The following CHST8 variants were observed in gnomAD, a reference collection of about 807,000 sequenced individuals.
CHST8 encodes GALNAC-4-ST1.
Under a neutral mutation model 15.0 loss-of-function variants are expected in CHST8, and 10 were observed. The observed-to-expected ratio is 0.67, with a 90% CI of 0.41 to 1.13. The LOEUF (loss-of-function observed/expected upper bound fraction) is 1.13, where lower values mean the gene tolerates loss of function less well. Among genes scored for constraint, CHST8 ranks in the 50% most tolerant of loss-of-function variants. The probability of loss-of-function intolerance (pLI) is 0.00; values close to 1 mark genes in which losing one functional copy is unlikely to be tolerated. For missense variants in CHST8, 634 were observed against 608.2 expected (o/e 1.04, Z -0.45); for synonymous variants, 259 against 256.6 (o/e 1.01, Z -0.09).
In CHST8 at chr19:33,647,264, A is replaced by G. The variant is rs144431167; in HGVS notation, c.-163-20503A>G. ...GAGGAAGACCCAAAGCAAGGCAAGAAGGGACCAGTGAGACAGGAAGAAAGC... is the reference window on the plus strand; with the variant it reads ...GAGGAAGACCCAAAGCAAGGCAAGAGGGGACCAGTGAGACAGGAAGAAAGC... On this transcript the variant is annotated intron_variant, in intron 1 of 4. Transcript: ENST00000650847. 5.4e-4 allele frequency among the ~76,000 whole-genome samples: 83 copies of G among 152,342 alleles called. 1 individual carries two copies. The East Asian group carries it at 0.012, about 23-fold the overall frequency.
intron 3 of CHST8, among the ~76,000 whole-genome samples, chr19:33,701,244 G>A (rs1973330383): frequency 6.6e-6 from 1 of 152,012 alleles, no homozygotes; most frequent in South Asian, 2.1e-4. Flanking sequence ...TCTTCTACGT[G>A]GCCACGATTT....
chr19:33,729,518 T>A (rs1240539274), intron 3 of CHST8, among the ~76,000 whole-genome samples: 1 of 152,198 alleles, frequency 6.6e-6, no homozygotes, highest in African/African-American at 2.4e-5. Context: ...CCAGCCCACC[T>A]GGGAAGGGAT....
At chr19:33,689,686 A>G (rs1973060787) in intron 3 of CHST8, among the ~76,000 whole-genome samples, 1 of 152,152 alleles carries the variant, frequency 6.6e-6, no homozygotes, top group African/African-American at 2.4e-5. Context: ...TCAGATTTAA[A>G]CAGGATTCCA....
In CHST8 at chr19:33,705,100, C is replaced by T. The variant is rs551709183; in HGVS notation, c.130+15709C>T. On this transcript the variant is annotated intron_variant, in intron 3 of 4. Transcript: ENST00000650847. ...ACCCTAAACCCCCGTAGGGCTGAGA[C>T]CTGCCCCCTAGGCCCTATTTGGCTC... 9.2e-5 allele frequency among the ~76,000 whole-genome samples: 14 copies of T among 152,212 alleles called. No individual in the cohort carries two copies. In the East Asian group the frequency reaches 2.7e-3, roughly 29 times the overall value.
intron 3 of CHST8, among the ~76,000 whole-genome samples, chr19:33,721,826 T>C (rs1973797125): frequency 6.7e-6 from 1 of 148,752 alleles, no homozygotes. Context: ...GATGGAGGGA[T>C]AGATGTTTGT....
At chr19:33,665,932 A>G (rs532668697) in intron 1 of CHST8, among the ~76,000 whole-genome samples, 1 of 152,210 alleles carries the variant, frequency 6.6e-6, no homozygotes, top group Non-Finnish European at 1.5e-5. Flanking sequence ...TGACATCCTC[A>G]GGTTTGGGAG....
At chr19:33,679,781 T>C in intron 2 of CHST8, among the ~76,000 whole-genome samples, 1 of 152,072 alleles carries the variant, frequency 6.6e-6, no homozygotes, top group East Asian at 1.9e-4. Context: ...CAAAACAGAG[T>C]GGTGGGCTTG....
intron 1 of CHST8, among the ~76,000 whole-genome samples, chr19:33,649,378 A>T (rs1972403052): frequency 6.6e-6 from 1 of 152,128 alleles, no homozygotes; most frequent in South Asian, 2.1e-4. Flanking sequence ...CACATGATTT[A>T]TAGACTTAGA....
intron 3 of CHST8, among the ~76,000 whole-genome samples, chr19:33,762,873 T>TTG (rs1555725129): frequency 2.8e-4 from 42 of 151,456 alleles, no homozygotes; most frequent in South Asian, 2.5e-3. Context: ...TCTTTTTTTT[T>TTG]TTTTTTGAGA....
At chr19:33,752,406 C>T (rs11878892) in intron 3 of CHST8, among the ~76,000 whole-genome samples, 5,635 of 149,072 alleles carry the variant, frequency 0.038, 153 homozygotes, top group East Asian at 0.091. Flanking sequence ...TTCCCTGATC[C>T]GCCACATAAG....
intron 1 of CHST8, among the ~76,000 whole-genome samples, chr19:33,639,441 C>G (rs1458283808): frequency 6.6e-6 from 1 of 152,168 alleles, no homozygotes; most frequent in Non-Finnish European, 1.5e-5. Context: ...AGCATCGGGG[C>G]AGCCTTGTAA....
intron 3 of CHST8, among the ~76,000 whole-genome samples, chr19:33,757,466 G>GAAAGAA (rs1974591333): frequency 2.5e-5 from 1 of 39,648 alleles, no homozygotes; most frequent in Admixed American, 2.6e-4. Context: ...AAGAAAGAAA[G>GAAAGAA]AAAGAAAGAA....
chr19:33,681,253 C>T (rs1456049664), intron 2 of CHST8, among the ~76,000 whole-genome samples: 1 of 152,208 alleles, frequency 6.6e-6, no homozygotes, highest in Non-Finnish European at 1.5e-5. Flanking sequence ...CCAGGTGGAA[C>T]TCACCTCAGC....
intron 2 of CHST8, among the ~76,000 whole-genome samples, chr19:33,688,513 A>G (rs2145255759): frequency 6.6e-6 from 1 of 152,272 alleles, no homozygotes; most frequent in Middle Eastern, 3.4e-3. Flanking sequence ...CAGGGACTCC[A>G]GTGGTCTGGC....
At chr19:33,694,088 T>TTATTCATATATATATATATA (rs1973150109) in intron 3 of CHST8, among the ~76,000 whole-genome samples, 3 of 40,152 alleles carry the variant, frequency 7.5e-5, no homozygotes, top group African/African-American at 1.0e-4. Flanking sequence ...CTGTTGTAGT[T>TTATTCATATATATATATATA]TATTCATATA....
At chr19:33,749,818 T>C (rs1431293833) in intron 3 of CHST8, among the ~76,000 whole-genome samples, 1 of 151,644 alleles carries the variant, frequency 6.6e-6, no homozygotes, top group Non-Finnish European at 1.5e-5. Flanking sequence ...TAGCTATGGG[T>C]GGGTTGTATG....
chr19:33,708,540 T>C (rs1479360155), intron 3 of CHST8, among the ~76,000 whole-genome samples: 3 of 152,242 alleles, frequency 2.0e-5, no homozygotes, highest in African/African-American at 4.8e-5. Flanking sequence ...TGACCATAAA[T>C]TTAAGAGTTT....
chr19:33,630,424 G>A (rs1459825018), intron 1 of CHST8, among the ~76,000 whole-genome samples: 1 of 151,968 alleles, frequency 6.6e-6, no homozygotes, highest in Non-Finnish European at 1.5e-5. Flanking sequence ...CACTGGCTGG[G>A]CCAGTGTGTG....
intron 3 of CHST8, among the ~76,000 whole-genome samples, chr19:33,740,045 G>T (rs1974157011): frequency 6.6e-6 from 1 of 152,132 alleles, no homozygotes; most frequent in African/African-American, 2.4e-5. Context: ...AAGAAAGTCG[G>T]TACTTTAAAA....
Sources: gnomAD v4.1 joint callset for allele counts (sites outside exome capture counted in the v4.1 genomes callset) on GRCh38, gnomAD v4.1.1 for gene constraint, MANE v1.5 for transcripts, NCBI Gene and HGNC (gene_info 2026-07-23, HGNC 2026-07-21) for gene names.